The following DPH6 variants were observed in gnomAD, a reference collection of about 807,000 sequenced individuals.
The protein encoded by DPH6 is diphthine--ammonia ligase.
A neutral mutation model predicts 38.2 loss-of-function variants in DPH6; 33 were observed. The observed-to-expected ratio is 0.86, with a 90% CI of 0.65 to 1.15. DPH6 has a LOEUF of 1.15. DPH6 is among the 50% of genes most tolerant of loss of function. The pLI is 0.00. For synonymous variants in DPH6, 108 were observed against 103.0 expected (o/e 1.05, Z -0.30); for missense variants, 325 against 320.0 (o/e 1.02, Z -0.12).
intron 3 of DPH6, among the ~76,000 whole-genome samples, chr15:35,261,102 C>T (rs1485388196): frequency 6.6e-6 from 1 of 152,174 alleles, no homozygotes; most frequent in Admixed American, 6.5e-5. Context: ...TACCTCAGTC[C>T]TTCTTGCCCC....
intron 6 of DPH6, among the ~76,000 whole-genome samples, chr15:35,383,985 A>T (rs1377688315): frequency 6.6e-6 from 1 of 152,250 alleles, no homozygotes; most frequent in Non-Finnish European, 1.5e-5. Flanking sequence ...AGGTATGTGA[A>T]GCATCCAGAT....
chr15:35,519,910 C>G (rs2054898213), intron 3 of DPH6: 1 of 151,846 alleles, frequency 6.6e-6, no homozygotes, highest in Non-Finnish European at 1.5e-5. Context: ...AAAAACTTAA[C>G]AAAAACAACT....
At chr15:35,533,068 T>C (rs990771923) in intron 3 of DPH6, among the ~76,000 whole-genome samples, 9 of 151,468 alleles carry the variant, frequency 5.9e-5, no homozygotes, top group Admixed American at 5.9e-4. Flanking sequence ...GATCGTGCCA[T>C]TGTGCTCCAG....
intron 3 of DPH6, among the ~76,000 whole-genome samples, chr15:35,348,859 T>C (rs1356491046): frequency 1.3e-5 from 2 of 152,138 alleles, no homozygotes; most frequent in East Asian, 1.9e-4. Flanking sequence ...ATACGTTTTT[T>C]TCCTCCTGGA....
chr15:35,501,642 A>T (rs1296446204), intron 3 of DPH6, among the ~76,000 whole-genome samples: 18 of 152,152 alleles, frequency 1.2e-4, no homozygotes, highest in Admixed American at 1.2e-3. Context: ...CAAATATGTT[A>T]CTAAAAAGTT....
At chr15:35,323,452 AG>A in intron 3 of DPH6, among the ~76,000 whole-genome samples, 1 of 152,234 alleles carries the variant, frequency 6.6e-6, no homozygotes, top group Non-Finnish European at 1.5e-5. Flanking sequence ...GAGTGAACAC[AG>A]GATGTCATCA....
chr15:35,167,001 G>A, the DPH6 span, among the ~76,000 whole-genome samples: 3 of 152,076 alleles, frequency 2.0e-5, no homozygotes, highest in African/African-American at 7.2e-5. Flanking sequence ...CTGAAGAGCC[G>A]GAAGAGTTTA....
chr15:35,268,272 G>A lies in DPH6; in HGVS notation n.201-47690C>T, dbSNP rs868045001. On this transcript the variant is annotated intron_variant and non_coding_transcript_variant, in intron 3 of 3. Transcript: ENST00000560386. Reference sequence around the variant, plus strand: ...TGTATCATTAATAAAATAAAATGGTGTAGCCATATTTGCAGCAAGAAGTAG... The same window carrying A: ...TGTATCATTAATAAAATAAAATGGTATAGCCATATTTGCAGCAAGAAGTAG... Among the ~76,000 whole-genome samples, 37 of 151,920 alleles carry A rather than the reference G, an allele frequency of 2.4e-4. No individual in the cohort carries two copies. The Middle Eastern group carries it at 0.017, about 70-fold the overall frequency.
chr15:35,232,712 C>T (rs2051526656), intron 3 of DPH6, among the ~76,000 whole-genome samples: 1 of 152,174 alleles, frequency 6.6e-6, no homozygotes, highest in South Asian at 2.1e-4. Flanking sequence ...TTTTCTATCA[C>T]ATTTGCAAAA....
intron 3 of DPH6, among the ~76,000 whole-genome samples, chr15:35,319,041 T>C (rs919488850): frequency 2.0e-5 from 3 of 152,170 alleles, no homozygotes; most frequent in Admixed American, 6.5e-5. Flanking sequence ...CTAACCTTCA[T>C]AGACTAACTA....
intron 5 of DPH6, among the ~76,000 whole-genome samples, chr15:35,411,139 C>A (rs1430202813): frequency 6.6e-6 from 1 of 151,500 alleles, no homozygotes; most frequent in African/African-American, 2.4e-5. Context: ...AACTACCAGA[C>A]GCATTGTTTC....
the DPH6 span, among the ~76,000 whole-genome samples, chr15:35,166,834 T>C: frequency 6.6e-6 from 1 of 151,974 alleles, no homozygotes; most frequent in Non-Finnish European, 1.5e-5. Flanking sequence ...TTGGTCAATC[T>C]GCTCTGGTAA....
chr15:35,190,510 A>G, the DPH6 span, among the ~76,000 whole-genome samples: 6 of 152,314 alleles, frequency 3.9e-5, no homozygotes, highest in African/African-American at 1.4e-4. Flanking sequence ...TTGCTGGTCC[A>G]GGTGGTGTCT....
intron 3 of DPH6, among the ~76,000 whole-genome samples, chr15:35,487,222 A>G (rs8027898): frequency 0.26 from 40,195 of 152,148 alleles, 9,357 homozygotes; most frequent in African/African-American, 0.63. Flanking sequence ...TTTCGAGAAC[A>G]GTGGCCCTCT....
At chr15:35,270,552 T>C (rs1595455211) in intron 3 of DPH6, among the ~76,000 whole-genome samples, 1 of 152,372 alleles carries the variant, frequency 6.6e-6, no homozygotes, top group East Asian at 1.9e-4. Context: ...TCCGTAGTTA[T>C]TTCTACAGTT....
chr15:35,305,728 T>C (rs2052085259), intron 3 of DPH6, among the ~76,000 whole-genome samples: 1 of 152,178 alleles, frequency 6.6e-6, no homozygotes, highest in Non-Finnish European at 1.5e-5. Context: ...AGTATTCAAC[T>C]TTTGTAAGAA....
chr15:35,149,924 T>G, the DPH6 span, among the ~76,000 whole-genome samples: 6 of 152,268 alleles, frequency 3.9e-5, no homozygotes, highest in African/African-American at 1.2e-4. Flanking sequence ...TGCCAGTGAG[T>G]GGACAGTGAG....
chr15:35,401,037 G>T, intron 6 of DPH6: 1 of 883,912 alleles, frequency 1.1e-6, no homozygotes, highest in Non-Finnish European at 1.9e-6. Flanking sequence ...AGACACAGAA[G>T]AACATCACCT....
At chr15:35,386,503 C>T (rs2052960410) in intron 6 of DPH6, among the ~76,000 whole-genome samples, 4 of 152,110 alleles carry the variant, frequency 2.6e-5, no homozygotes, top group African/African-American at 9.7e-5. Flanking sequence ...CTCTCCAGCA[C>T]CTGTTGTTTC....
Sources: allele counts gnomAD v4.1 joint callset (sites outside exome capture counted in the v4.1 genomes callset), GRCh38; gene constraint gnomAD v4.1.1; transcripts MANE v1.5; gene names NCBI Gene and HGNC (gene_info 2026-07-23, HGNC 2026-07-21).